The following USP34 variants were observed in gnomAD, a reference collection of about 807,000 sequenced individuals.
The protein encoded by USP34 is ubiquitin carboxyl-terminal hydrolase 34.
USP34 carries 70 observed loss-of-function variants against 460.3 expected under a neutral mutation model. That is an observed-to-expected ratio of 0.15 (90% CI 0.13 to 0.19). The LOEUF is 0.19. USP34 is among the 10% of genes least tolerant of loss of function. The pLI is 1.00. For synonymous variants in USP34, 1,647 were observed against 1,405.3 expected (o/e 1.17, Z -3.85); for missense variants, 3,985 against 4,236.2 (o/e 0.94, Z 1.65).
At chr2:61,232,975 T>C (rs936132729) in intron 57 of USP34, among the ~76,000 whole-genome samples, 1 of 149,382 alleles carries the variant, frequency 6.7e-6, no homozygotes, top group Non-Finnish European at 1.5e-5. Context: ...GTTCAAGTGA[T>C]TCTCCTCCCG....
chr2:61,272,563 A>G (rs1299703445), intron 41 of USP34, among the ~76,000 whole-genome samples: 1 of 152,142 alleles, frequency 6.6e-6, no homozygotes. Context: ...GGAACCATCG[A>G]AAAACTTCCT....
At chr2:61,335,519 G>A (rs1272258465) in intron 18 of USP34, among the ~76,000 whole-genome samples, 1 of 152,194 alleles carries the variant, frequency 6.6e-6, no homozygotes, top group African/African-American at 2.4e-5. Context: ...GGGAAGTCAA[G>A]GTGAGCAGAC....
chr2:61,214,534 T>C lies in USP34; in HGVS notation c.8208A>G (p.Ser2736=), dbSNP rs761104311. 37 of 1,613,508 alleles carry C rather than the reference T, an allele frequency of 2.3e-5. No homozygotes were observed. The highest frequency in any genetic ancestry group is 2.9e-5 in the Non-Finnish European group (34 of 1,179,834). Residue 2736 remains serine (S), a synonymous_variant, in exon 68 of 80, where the codon TCA becomes TCG. Coordinates refer to ENST00000398571, the MANE Select transcript of USP34 (RefSeq NM_014709.4). ...CAGCATCAACATAAAGTTTGGCTCT[T>C]GAGAGCAAACCAAGGAGCACGTTGT... ...QVYNVLLGLL[S]RAKLYVDAAV...
chr2:61,257,576 A>G (rs1257434973), intron 44 of USP34, among the ~76,000 whole-genome samples: 1 of 152,194 alleles, frequency 6.6e-6, no homozygotes, highest in Non-Finnish European at 1.5e-5. Context: ...TTTTCAAGTC[A>G]AGGAATTTCT....
At chr2:61,414,774 C>T (rs1694145937) in intron 2 of USP34, among the ~76,000 whole-genome samples, 1 of 152,044 alleles carries the variant, frequency 6.6e-6, no homozygotes, top group Admixed American at 6.6e-5. Context: ...GTTTAAATAC[C>T]CTCTAGAGGT....
At chr2:61,363,815 TGATG>T (rs1472099322) in intron 10 of USP34, among the ~76,000 whole-genome samples, 1 of 151,588 alleles carries the variant, frequency 6.6e-6, no homozygotes, top group Non-Finnish European at 1.5e-5. Context: ...AAATGTCCAC[TGATG>T]GATGAATAAA....
intron 15 of USP34, among the ~76,000 whole-genome samples, chr2:61,345,911 T>C (rs559864914): frequency 1.3e-5 from 2 of 152,322 alleles, no homozygotes; most frequent in East Asian, 1.9e-4. Context: ...ACTAGGATTA[T>C]TGTTCCCATT....
intron 29 of USP34, among the ~76,000 whole-genome samples, chr2:61,297,452 G>C (rs1690062826): frequency 1.3e-5 from 2 of 152,138 alleles, no homozygotes; most frequent in South Asian, 4.1e-4. Context: ...GTTAAATCTT[G>C]CTAAGTTCCA....
intron 10 of USP34, among the ~76,000 whole-genome samples, chr2:61,368,715 G>A (rs1171285229): frequency 6.6e-6 from 1 of 152,150 alleles, no homozygotes; most frequent in East Asian, 1.9e-4. Context: ...ATCCCAGCTG[G>A]ATCAAAGATT....
At chr2:61,378,319 C>T (rs1440656830) in intron 8 of USP34, 44 bp downstream of exon 8, 1 of 1,352,730 alleles carries the variant, frequency 7.4e-7, no homozygotes, top group Admixed American at 2.3e-5. Context: ...AACAACTGTA[C>T]ATTAAAATGG....
intron 27 of USP34, among the ~76,000 whole-genome samples, chr2:61,307,724 C>T (rs1258335264): frequency 6.6e-6 from 1 of 151,958 alleles, no homozygotes; most frequent in Non-Finnish European, 1.5e-5. Flanking sequence ...ACCGAGAGTA[C>T]AAAGCTTTAA....
chr2:61,377,461 T>A (rs1328807190), intron 8 of USP34, among the ~76,000 whole-genome samples: 1 of 152,176 alleles, frequency 6.6e-6, no homozygotes, highest in East Asian at 1.9e-4. Context: ...ACTACTTTTT[T>A]AACTCCCAAT....
chr2:61,282,610 G>T (rs548938436), intron 37 of USP34, among the ~76,000 whole-genome samples: 4 of 152,154 alleles, frequency 2.6e-5, no homozygotes, highest in South Asian at 2.1e-4. Flanking sequence ...ACAACACAGC[G>T]AGACCCCGTC....
intron 43 of USP34, chr2:61,265,139 T>C (rs1382105686): frequency 6.6e-6 from 2 of 303,020 alleles, no homozygotes; most frequent in Non-Finnish European, 1.2e-5. Context: ...ACTGACAACA[T>C]GATATTCATT....
chr2:61,374,611 C>A (rs1383665639), intron 8 of USP34, among the ~76,000 whole-genome samples: 1 of 124,950 alleles, frequency 8.0e-6, no homozygotes, highest in South Asian at 3.7e-4. Context: ...CTGGAGACTT[C>A]AATACTTTTT....
intron 53 of USP34, among the ~76,000 whole-genome samples, chr2:61,237,882 CCTAG>C (rs1447516900): frequency 3.3e-5 from 5 of 151,112 alleles, no homozygotes; most frequent in Non-Finnish European, 5.9e-5. Context: ...GCCCAGCCAC[CCTAG>C]CTATTTTCTT....
chr2:61,354,137 G>A (rs780263662), intron 10 of USP34, among the ~76,000 whole-genome samples: 12 of 152,202 alleles, frequency 7.9e-5, no homozygotes, highest in Non-Finnish European at 1.6e-4. Context: ...TGAAAGACAT[G>A]AATCTACAAA....
intron 1 of USP34, among the ~76,000 whole-genome samples, chr2:61,445,390 C>A (rs974155227): frequency 1.3e-5 from 2 of 151,450 alleles, no homozygotes; most frequent in Non-Finnish European, 2.9e-5. Flanking sequence ...AAAAAGTTAG[C>A]GGGGCGTGGT....
intron 18 of USP34, 122 bp downstream of exon 18, chr2:61,339,228 TA>T (rs1691515913): frequency 1.0e-6 from 1 of 964,282 alleles, no homozygotes; most frequent in Non-Finnish European, 1.4e-6. Flanking sequence ...CTATAATTAC[TA>T]AAAAACAGAT....
Sources: gnomAD v4.1 joint callset for allele counts (sites outside exome capture counted in the v4.1 genomes callset) on GRCh38, gnomAD v4.1.1 for gene constraint, MANE v1.5 for transcripts, NCBI Gene and HGNC (gene_info 2026-07-23, HGNC 2026-07-21) for gene names.